Variants in IL1RAPL1 observed in about 807,000 individuals in gnomAD.
IL1RAPL1 encodes interleukin 1 receptor accessory protein like 1.
In IL1RAPL1, 3 loss-of-function variants were observed where a neutral mutation model predicts 48.4. That is an observed-to-expected ratio of 0.06 (90% CI 0.03 to 0.16). The LOEUF is 0.16. Among genes scored for constraint, IL1RAPL1 ranks in the 10% least tolerant of loss-of-function variants. The pLI is 1.00. For missense variants in IL1RAPL1, 349 were observed against 530.6 expected, an observed-to-expected ratio of 0.66 and a Z score of 3.36; for synonymous variants, 185 against 187.7, an observed-to-expected ratio of 0.99 and a Z score of 0.12.
chrX:28,671,188 T>G (rs1032549479), intron 1 of IL1RAPL1, among the ~76,000 whole-genome samples: 1 of 112,209 alleles, frequency 8.9e-6, no homozygotes, highest in African/African-American at 3.2e-5. Context: ...ACATATTTTC[T>G]AACTGCTAAA....
intron 8 of IL1RAPL1, among the ~76,000 whole-genome samples, chrX:29,929,924 G>C (rs951391471): frequency 1.3e-4 from 14 of 111,463 alleles, no homozygotes; most frequent in African/African-American, 4.2e-4. Flanking sequence ...AATGTTGAAA[G>C]CAACTTAAAG....
chrX:29,918,144 A>AAAAAAAAAAATATATATATAT (rs1555935868), intron 7 of IL1RAPL1, among the ~76,000 whole-genome samples: 1 of 23,767 alleles, frequency 4.2e-5, no homozygotes, highest in Non-Finnish European at 6.6e-5. Flanking sequence ...AAAAAAAAAA[A>AAAAAAAAAAATATATATATAT]ATATATATAT....
intron 2 of IL1RAPL1, among the ~76,000 whole-genome samples, chrX:29,077,111 T>C (rs1927694358): frequency 8.9e-6 from 1 of 112,017 alleles, no homozygotes; most frequent in Admixed American, 9.5e-5. Flanking sequence ...AAGATGATAA[T>C]GTATGGCCTC....
At chrX:29,469,516 G>T (rs966706358) in intron 5 of IL1RAPL1, among the ~76,000 whole-genome samples, 2 of 111,620 alleles carry the variant, frequency 1.8e-5, no homozygotes, top group Non-Finnish European at 3.8e-5. Flanking sequence ...TCAATTTTTA[G>T]GTTTTATATT....
At chrX:29,072,913 C>A (rs1272273530) in intron 2 of IL1RAPL1, among the ~76,000 whole-genome samples, 2 of 111,923 alleles carry the variant, frequency 1.8e-5, no homozygotes, top group Non-Finnish European at 1.9e-5. Flanking sequence ...CCTGGGAGGG[C>A]AAACTAGACC....
intron 2 of IL1RAPL1, among the ~76,000 whole-genome samples, chrX:28,861,588 A>T (rs1400612453): frequency 8.9e-6 from 1 of 111,816 alleles, no homozygotes; most frequent in Non-Finnish European, 1.9e-5. Flanking sequence ...TCTAAAATGA[A>T]ATTGCTGGAG....
At chrX:29,119,494 C>T (rs1183622781) in intron 2 of IL1RAPL1, among the ~76,000 whole-genome samples, 1 of 111,755 alleles carries the variant, frequency 8.9e-6, no homozygotes, top group Non-Finnish European at 1.9e-5. Flanking sequence ...AAATCAACAA[C>T]TTTTCTCAGA....
chrX:29,735,713 A>G, intron 6 of IL1RAPL1, among the ~76,000 whole-genome samples: 1 of 111,160 alleles, frequency 9.0e-6, no homozygotes, highest in Admixed American at 9.5e-5. Context: ...GGGGCACAGT[A>G]TGTTTGAGAT....
At chrX:28,614,328 GT>G (rs200937768) in intron 1 of IL1RAPL1, among the ~76,000 whole-genome samples, 1,596 of 107,827 alleles carry the variant, frequency 0.015, 38 homozygotes, top group African/African-American at 0.051. Context: ...ATGTGTAATA[GT>G]TTTTTTTTTC....
chrX:29,219,003 A>G (rs1242349608), intron 2 of IL1RAPL1, among the ~76,000 whole-genome samples: 1 of 112,537 alleles, frequency 8.9e-6, no homozygotes, highest in Non-Finnish European at 1.9e-5. Flanking sequence ...AAAATGGACA[A>G]AAGTGACAAT....
intron 2 of IL1RAPL1, among the ~76,000 whole-genome samples, chrX:29,155,647 T>C (rs972876696): frequency 1.8e-5 from 2 of 112,001 alleles, no homozygotes; most frequent in African/African-American, 6.5e-5. Context: ...GGGATAGAAC[T>C]CTCTCTCACT....
chrX:29,648,327 C>G (rs774784501), intron 5 of IL1RAPL1, among the ~76,000 whole-genome samples: 43 of 112,003 alleles, frequency 3.8e-4, no homozygotes, highest in Non-Finnish European at 5.5e-4. Context: ...CCAACGGATG[C>G]AGAATACAGA....
At chrX:29,032,236 T>G (rs976367470) in intron 2 of IL1RAPL1, among the ~76,000 whole-genome samples, 1 of 112,181 alleles carries the variant, frequency 8.9e-6, no homozygotes, top group African/African-American at 3.2e-5. Flanking sequence ...AGTATGCAAC[T>G]TGAAAAACTA....
intron 2 of IL1RAPL1, among the ~76,000 whole-genome samples, chrX:29,188,938 T>A (rs778090410): frequency 9.0e-6 from 1 of 111,462 alleles, no homozygotes; most frequent in Non-Finnish European, 1.9e-5. Context: ...TAAACAAAAA[T>A]TGAGTGTTTA....
intron 2 of IL1RAPL1, among the ~76,000 whole-genome samples, chrX:28,950,080 G>A (rs1474539570): frequency 4.8e-5 from 5 of 104,466 alleles, no homozygotes; most frequent in Admixed American, 2.1e-4. Flanking sequence ...TAGGTCTAAC[G>A]TTTAAGTCTT....
intron 2 of IL1RAPL1, among the ~76,000 whole-genome samples, chrX:28,931,982 C>A (rs1923893271): frequency 9.2e-6 from 1 of 108,118 alleles, no homozygotes; most frequent in Non-Finnish European, 1.9e-5. Flanking sequence ...GCAGAGCTTG[C>A]AGTGAGCCAA....
At chrX:29,949,400 C>T (rs1178233769) in intron 9 of IL1RAPL1, among the ~76,000 whole-genome samples, 2 of 111,757 alleles carry the variant, frequency 1.8e-5, no homozygotes, top group Non-Finnish European at 3.8e-5. Flanking sequence ...ATGATTGGAT[C>T]TTGTTTTTTG....
At chrX:29,432,901 G>A (rs149954841) in intron 5 of IL1RAPL1, among the ~76,000 whole-genome samples, 1 of 111,455 alleles carries the variant, frequency 9.0e-6, no homozygotes, top group African/African-American at 3.2e-5. Context: ...TTTTGTGTGT[G>A]TTTAAACAAA....
intron 2 of IL1RAPL1, among the ~76,000 whole-genome samples, chrX:28,907,957 G>A (rs1010641502): frequency 8.9e-6 from 1 of 111,744 alleles, no homozygotes; most frequent in Admixed American, 9.5e-5. Context: ...CTCCTTGTAT[G>A]AGTTTGTGTC....
Sources: gnomAD v4.1 joint callset for allele counts (sites outside exome capture counted in the v4.1 genomes callset) on GRCh38, gnomAD v4.1.1 for gene constraint, MANE v1.5 for transcripts, NCBI Gene and HGNC (gene_info 2026-07-23, HGNC 2026-07-21) for gene names.